The following CHD7 variants were observed in gnomAD, a reference collection of about 807,000 sequenced individuals.
The protein encoded by CHD7 is chromodomain helicase DNA binding protein 7.
A neutral mutation model predicts 307.3 loss-of-function variants in CHD7; 24 were observed. That is an observed-to-expected ratio of 0.08 (90% CI 0.06 to 0.11). The LOEUF is 0.11. CHD7 is among the 10% of genes least tolerant of loss of function. The probability of loss-of-function intolerance (pLI) is 1.00; values close to 1 mark genes in which losing one functional copy is unlikely to be tolerated. For synonymous variants in CHD7, 1,363 were observed against 1,349.9 expected (o/e 1.01, Z -0.21); for missense variants, 3,106 against 3,727.1 (o/e 0.83, Z 4.34).
intron 2 of CHD7, among the ~76,000 whole-genome samples, chr8:60,752,173 A>C (rs1377441387): frequency 6.6e-6 from 1 of 152,202 alleles, no homozygotes; most frequent in Non-Finnish European, 1.5e-5. Context: ...AACTTGGCTC[A>C]CTGTGTGAAA....
rs1188009809 is a variant in CHD7, at chr8:60,816,796, C to G, written c.2613+295C>G. On this transcript the variant is annotated intron_variant, in intron 8 of 37. Transcript: ENST00000423902. ...CAGATGATGAAATTAAGTAAGTGGA[C>G]AGAAGTTCTATTGAGATTTAGCAGG... Among the ~76,000 whole-genome samples, 4 of 152,154 alleles carry G rather than the reference C, an allele frequency of 2.6e-5. No individual in the cohort carries two copies. In the East Asian group the frequency reaches 7.7e-4, roughly 29 times the overall value.
intron 2 of CHD7, among the ~76,000 whole-genome samples, chr8:60,778,547 C>T (rs975502473): frequency 6.6e-6 from 1 of 152,168 alleles, no homozygotes; most frequent in East Asian, 1.9e-4. Context: ...GGGAATCTCT[C>T]ATTAGAAGCT....
intron 1 of CHD7, among the ~76,000 whole-genome samples, chr8:60,714,765 C>T (rs1383936205): frequency 2.0e-5 from 3 of 152,200 alleles, no homozygotes; most frequent in Non-Finnish European, 4.4e-5. Flanking sequence ...GCTAGGTCCC[C>T]GTAACTTGAC....
At chr8:60,699,584 T>A (rs535983396) in intron 1 of CHD7, among the ~76,000 whole-genome samples, 1 of 152,246 alleles carries the variant, frequency 6.6e-6, no homozygotes, top group Non-Finnish European at 1.5e-5. Flanking sequence ...TCTGTCCCAT[T>A]GCTATGGAAT....
chr8:60,857,910 C>T (rs1434129192), intron 34 of CHD7, among the ~76,000 whole-genome samples: 1 of 152,182 alleles, frequency 6.6e-6, no homozygotes, highest in African/African-American at 2.4e-5. Flanking sequence ...AATTTCTTTG[C>T]CCTCTGGTGG....
chr8:60,856,438 T>A lies in CHD7; in HGVS notation c.7165-7T>A. 6.2e-7 allele frequency: 1 copy of A among 1,602,436 alleles called. No individual in the cohort carries two copies. The highest frequency in any genetic ancestry group is 2.2e-5 in the East Asian group (1 of 44,718). ...TGCAACTCTGTTCTGTTGGAATTTT[T>A]CAATAGGAAGATGCCCTCAACCTCT... On this transcript the variant is annotated splice_polypyrimidine_tract_variant and splice_region_variant and intron_variant, in intron 33 of 37. Transcript: ENST00000423902.
At position 60,850,563 on chromosome 8, in the gene CHD7, T is replaced by A; in HGVS notation, c.5475T>A (p.Asp1825Glu). 6.2e-7 allele frequency: 1 copy of A among 1,613,490 alleles called. No homozygotes were observed. The highest frequency in any genetic ancestry group is 8.5e-7 in the Non-Finnish European group (1 of 1,179,664). ...LCFLERVGMP[D>E]AKAIAAEQRG... Reference sequence around the variant, plus strand: ...TTCTGGAACGAGTCGGTATGCCTGATGCCAAGGCCATAGCTGCCGAGCAAA... The same window carrying A: ...TTCTGGAACGAGTCGGTATGCCTGAAGCCAAGGCCATAGCTGCCGAGCAAA... The change falls in exon 26 of 38, where the codon GAT becomes GAA. Residue 1825 changes from aspartate to glutamate, a missense_variant. Around this residue, in one of 10 missense-constraint regions of CHD7, gnomAD observed 1,030 missense variants for 1,165.4 expected, o/e 0.88. Coordinates refer to ENST00000423902, the MANE Select transcript of CHD7 (RefSeq NM_017780.4).
chr8:60,765,837 T>G (rs970275201), intron 2 of CHD7, among the ~76,000 whole-genome samples: 1 of 152,172 alleles, frequency 6.6e-6, no homozygotes, highest in African/African-American at 2.4e-5. Flanking sequence ...CCAGAAGATT[T>G]GCTGACGAAG....
intron 2 of CHD7, among the ~76,000 whole-genome samples, chr8:60,744,407 G>A (rs1468042106): frequency 3.3e-5 from 5 of 151,006 alleles, no homozygotes; most frequent in African/African-American, 7.3e-5. Context: ...GGAGCAGAAG[G>A]CATTGAAGCA....
intron 1 of CHD7, among the ~76,000 whole-genome samples, chr8:60,713,149 G>C (rs542558938): frequency 3.6e-4 from 54 of 151,284 alleles, no homozygotes; most frequent in African/African-American, 1.2e-3. Context: ...GTCTCACTCT[G>C]TCGCCCAGGC....
At position 60,819,595 on chromosome 8, in the gene CHD7, C is replaced by T. The variant is rs151039313; in HGVS notation, c.2614-412C>T. Among the ~76,000 whole-genome samples the T allele has an allele frequency of 5.1e-4, 78 of 152,306 alleles. 1 individual carries two copies. Among genetic ancestry groups the T allele is most frequent in the Admixed American group, 1.5e-3 (23 of 15,298 alleles). On this transcript the variant is annotated intron_variant, in intron 8 of 37. Transcript: ENST00000423902. ...ATTTTGTAGATATGCTATAAGGCAT[C>T]GGACAACTCCAGGAGTTACAATATT...
chr8:60,714,229 C>T lies in CHD7; in HGVS notation c.-174-27030C>T, dbSNP rs535941835. Reference sequence around the variant, plus strand: ...CAGACGCAGGGCGGAGCGGGGTCATCGCTGGCACGCGGAAGGCCCTCATAA... The same window carrying T: ...CAGACGCAGGGCGGAGCGGGGTCATTGCTGGCACGCGGAAGGCCCTCATAA... On this transcript the variant is annotated intron_variant, in intron 1 of 37. Coordinates refer to ENST00000423902, the MANE Select transcript of CHD7 (RefSeq NM_017780.4). Among the ~76,000 whole-genome samples the T allele has an allele frequency of 3.3e-4, 50 of 152,102 alleles. 1 individual carries two copies. Among genetic ancestry groups the T allele is most frequent in the Middle Eastern group, 6.8e-3 (2 of 292 alleles).
At chr8:60,690,473 TA>T (rs953253219) in intron 1 of CHD7, among the ~76,000 whole-genome samples, 7 of 151,858 alleles carry the variant, frequency 4.6e-5, no homozygotes, top group African/African-American at 7.3e-5. Context: ...TCCCACTTAT[TA>T]AAAAAAATAA....
chr8:60,738,257 T>C (rs768498179), intron 1 of CHD7, among the ~76,000 whole-genome samples: 2 of 152,250 alleles, frequency 1.3e-5, no homozygotes, highest in Non-Finnish European at 2.9e-5. Flanking sequence ...CCAAAATACG[T>C]AAACTAGCTT....
intron 1 of CHD7, among the ~76,000 whole-genome samples, chr8:60,708,056 T>A (rs2150519177): frequency 6.6e-6 from 1 of 152,280 alleles, no homozygotes; most frequent in East Asian, 1.9e-4. Flanking sequence ...GAGAGAGCGG[T>A]GATAAAGGTC....
intron 2 of CHD7, among the ~76,000 whole-genome samples, chr8:60,761,135 A>G (rs1232295877): frequency 6.6e-6 from 1 of 152,018 alleles, no homozygotes; most frequent in Admixed American, 6.5e-5. Context: ...AATGTGGCAC[A>G]TATACACCAT....
chr8:60,720,488 T>C (rs965272541), intron 1 of CHD7, among the ~76,000 whole-genome samples: 2 of 152,238 alleles, frequency 1.3e-5, no homozygotes, highest in African/African-American at 2.4e-5. Flanking sequence ...CTTTCTTTTA[T>C]TACCAGTGAA....
intron 7 of CHD7, among the ~76,000 whole-genome samples, chr8:60,812,613 G>A (rs1222877062): frequency 5.4e-5 from 8 of 146,820 alleles, no homozygotes; most frequent in Non-Finnish European, 1.0e-4. Flanking sequence ...GCAGTGAGCC[G>A]AGATTGCGCC....
chr8:60,837,486 C>T (rs1029236570), intron 17 of CHD7, among the ~76,000 whole-genome samples, 182 bp from the exon 18 acceptor site: 4 of 152,154 alleles, frequency 2.6e-5, no homozygotes, highest in South Asian at 4.1e-4. Context: ...CCAGCTCTCT[C>T]GCCTCTTTAT....
Sources: allele counts gnomAD v4.1 joint callset (sites outside exome capture counted in the v4.1 genomes callset), GRCh38; gene constraint gnomAD v4.1.1; regional missense constraint gnomAD v4.1.1; transcripts MANE v1.5; gene names NCBI Gene and HGNC (gene_info 2026-07-23, HGNC 2026-07-21).